The following DAB2 variants were observed in gnomAD, a reference collection of about 807,000 sequenced individuals.
DAB2 encodes DAB adaptor protein 2.
DAB2 carries 28 observed loss-of-function variants against 71.6 expected under a neutral mutation model. The observed-to-expected ratio is 0.39, with a 90% CI of 0.29 to 0.54. The LOEUF is 0.54. Ranked by LOEUF, DAB2 falls within the 20% of genes least tolerant of loss-of-function variation. The pLI, the probability that DAB2 is intolerant of heterozygous loss-of-function variation, is 0.68. For synonymous variants in DAB2, 345 were observed against 339.7 expected (o/e 1.02, Z -0.17); for missense variants, 867 against 928.8 (o/e 0.93, Z 0.86).
chr5:39,378,713 G>A (rs185426759), intron 11 of DAB2, among the ~76,000 whole-genome samples: 68 of 152,260 alleles, frequency 4.5e-4, no homozygotes, highest in African/African-American at 1.6e-3. Context: ...ATTAAAATTG[G>A]GAAGGTCATA....
intron 1 of DAB2, among the ~76,000 whole-genome samples, chr5:39,412,554 T>C (rs1755756321): frequency 6.6e-6 from 1 of 152,206 alleles, no homozygotes. Flanking sequence ...GTATAGACTT[T>C]CAGAAGATGA....
rs1218267796 is a variant in DAB2, at chr5:39,393,371, A to G, written c.114T>C (p.Tyr38=). The change falls in exon 3 of 15, where the codon TAT becomes TAC. Residue 38 remains tyrosine, a synonymous_variant. Transcript: ENST00000320816. ...KKKGPEKTDE[Y]LLARFKGDGV... ...CATCGCCTTTGAACCTTGCTAAGAG[A>G]TATTCATCTGTCTTTTCAGGGCCTG... The G allele has an allele frequency of 1.2e-6, 2 of 1,613,986 alleles. No individual in the cohort carries two copies. Among genetic ancestry groups the G allele is most frequent in the Admixed American group, 1.7e-5 (1 of 59,998 alleles).
At chr5:39,387,688 T>C (rs1671843981) in intron 9 of DAB2, 1 of 34,058 alleles carries the variant, frequency 2.9e-5, no homozygotes, top group South Asian at 1.3e-3. Flanking sequence ...TCCTTTTTAT[T>C]TTTTTTTCTT....
chr5:39,417,032 T>C (rs1304241085), intron 1 of DAB2, among the ~76,000 whole-genome samples: 1 of 152,024 alleles, frequency 6.6e-6, no homozygotes, highest in Non-Finnish European at 1.5e-5. Flanking sequence ...CAGCATTTGG[T>C]TTTCCTGCTT....
intron 6 of DAB2, 55 bp from the exon 7 acceptor site, chr5:39,389,178 A>C: frequency 7.1e-7 from 1 of 1,399,662 alleles, no homozygotes; most frequent in South Asian, 1.2e-5. Context: ...AAAGGGAGTT[A>C]AATACACAAA....
chr5:39,395,747 G>A (rs1204150472), intron 1 of DAB2, among the ~76,000 whole-genome samples: 2 of 152,018 alleles, frequency 1.3e-5, no homozygotes, highest in East Asian at 3.9e-4. Context: ...TGGCAACCAG[G>A]GAGACAGTCT....
chr5:39,377,025 T>A lies in DAB2; in HGVS notation c.1762A>T (p.Ser588Cys). The A allele has an allele frequency of 6.2e-7, 1 of 1,613,734 alleles. No individual in the cohort carries two copies. Among genetic ancestry groups the A allele is most frequent in the Non-Finnish European group, 8.5e-7 (1 of 1,179,686 alleles). ...CTCTGAAAAGGATTCCCCAAAGGGC[T>A]TGTTGTTGACCAAGCATTGGGTGCC... ...SVAPNAWSTT[S>C]PLGNPFQSNI... Residue 588 changes from serine (S) to cysteine (C), a missense_variant, in exon 12 of 15, where the codon AGC becomes TGC. Transcript: ENST00000320816.
chr5:39,393,961 C>T (rs966690299), intron 2 of DAB2, among the ~76,000 whole-genome samples: 5 of 152,190 alleles, frequency 3.3e-5, no homozygotes, highest in Admixed American at 6.5e-5. Flanking sequence ...TAATAATTAA[C>T]GACTGCATTA....
At position 39,388,373 on chromosome 5, in the gene DAB2, A is replaced by G. The variant is rs567402395; in HGVS notation, c.625-6T>C. On this transcript the variant is annotated splice_polypyrimidine_tract_variant and splice_region_variant and intron_variant, in intron 8 of 14. Transcript: ENST00000320816. ...AAATCCATCTGGTCAACACCCTTAA[A>G]AAAGTATTTGGATTAGATTCAGATG... is the stretch of plus-strand genomic sequence containing the variant. 1 of 1,602,816 alleles carries G rather than the reference A, an allele frequency of 6.2e-7. No homozygotes were observed. Among genetic ancestry groups the G allele is most frequent in the Admixed American group, 1.7e-5 (1 of 59,806 alleles).
intron 2 of DAB2, among the ~76,000 whole-genome samples, chr5:39,393,660 G>A (rs1755288358): frequency 6.6e-6 from 1 of 151,472 alleles, no homozygotes; most frequent in African/African-American, 2.4e-5. Context: ...AATATGGGAG[G>A]TGGGAGTTGG....
At chr5:39,407,015 C>A (rs559481947) in intron 1 of DAB2, among the ~76,000 whole-genome samples, 1 of 152,222 alleles carries the variant, frequency 6.6e-6, no homozygotes, top group African/African-American at 2.4e-5. Context: ...ATGCTTGATC[C>A]TGGCAGGAAA....
intron 1 of DAB2, 120 bp from the exon 2 acceptor site, chr5:39,394,541 C>T: frequency 1.8e-6 from 1 of 551,174 alleles, no homozygotes; most frequent in African/African-American, 1.9e-5. Flanking sequence ...TTTGTTCCTT[C>T]TCCTGCTGTA....
intron 1 of DAB2, among the ~76,000 whole-genome samples, chr5:39,407,453 A>C (rs1486352382): frequency 2.6e-5 from 4 of 152,164 alleles, no homozygotes; most frequent in Admixed American, 6.5e-5. Flanking sequence ...CTCCTGCCTC[A>C]GCCTCCCAAA....
chr5:39,392,301 CA>C, intron 4 of DAB2, 63 bp downstream of exon 4: 1 of 1,252,860 alleles, frequency 8.0e-7, no homozygotes, highest in Non-Finnish European at 1.2e-6. Flanking sequence ...AGCCGAAATT[CA>C]AGTAGCAAAT....
At chr5:39,377,658 T>C (rs1050841977) in intron 11 of DAB2, among the ~76,000 whole-genome samples, 5 of 152,218 alleles carry the variant, frequency 3.3e-5, no homozygotes, top group African/African-American at 1.2e-4. Context: ...CAGGAACTTA[T>C]TTAAGTGAAT....
At chr5:39,385,764 T>G (rs1197456221) in intron 9 of DAB2, among the ~76,000 whole-genome samples, 1 of 152,180 alleles carries the variant, frequency 6.6e-6, no homozygotes, top group Non-Finnish European at 1.5e-5. Flanking sequence ...TGAGGACTTC[T>G]CTACTCAAAG....
chr5:39,410,717 C>T (rs143537054), intron 1 of DAB2, among the ~76,000 whole-genome samples: 48 of 151,854 alleles, frequency 3.2e-4, no homozygotes, highest in African/African-American at 1.1e-3. Context: ...TTTTACAGTG[C>T]ATCTAGTACT....
At chr5:39,377,423 A>G (rs1021037260) in intron 11 of DAB2, 141 bp from the exon 12 acceptor site, 33 of 850,580 alleles carry the variant, frequency 3.9e-5, no homozygotes, top group Non-Finnish European at 5.3e-5. Context: ...GAAGAATATG[A>G]CAGATTAATC....
chr5:39,382,510 C>T, intron 10 of DAB2, 108 bp downstream of exon 10: 1 of 1,238,780 alleles, frequency 8.1e-7, no homozygotes, highest in Non-Finnish European at 1.1e-6. Flanking sequence ...TTCTATTTCA[C>T]AGCAACACAG....
Sources: gnomAD v4.1 joint callset for allele counts (sites outside exome capture counted in the v4.1 genomes callset) on GRCh38, gnomAD v4.1.1 for gene constraint, MANE v1.5 for transcripts, NCBI Gene and HGNC (gene_info 2026-07-23, HGNC 2026-07-21) for gene names.